The following CEP70 variants were observed in gnomAD, a reference collection of about 807,000 sequenced individuals.
The protein encoded by CEP70 is centrosomal protein of 70 kDa.
Under a neutral mutation model 90.9 loss-of-function variants are expected in CEP70, and 70 were observed. The ratio of observed to expected loss-of-function variants is 0.77; its 90% CI spans 0.64 to 0.94. CEP70 has a LOEUF of 0.94. Among genes scored for constraint, CEP70 ranks in the 40% least tolerant of loss-of-function variants. CEP70 has a pLI of 0.00. For synonymous variants in CEP70, 220 were observed against 228.3 expected (o/e 0.96, Z 0.33); for missense variants, 648 against 669.0 (o/e 0.97, Z 0.35).
At chr3:138,504,786 T>C (rs981686466) in intron 13 of CEP70, among the ~76,000 whole-genome samples, 2 of 152,204 alleles carry the variant, frequency 1.3e-5, no homozygotes, top group African/African-American at 4.8e-5. Flanking sequence ...GGCTGCTAGC[T>C]TACTATCTGT....
chr3:138,526,428 T>C (rs1218515451), intron 10 of CEP70, among the ~76,000 whole-genome samples: 1 of 152,220 alleles, frequency 6.6e-6, no homozygotes, highest in Non-Finnish European at 1.5e-5. Flanking sequence ...CCTAAAGTGC[T>C]GGGATTACAG....
intron 17 of CEP70, chr3:138,496,242 A>C: frequency 2.0e-6 from 2 of 985,396 alleles, no homozygotes; most frequent in Non-Finnish European, 2.4e-6. Flanking sequence ...AACTCTCTCC[A>C]TTGTGTAGCT....
intron 6 of CEP70, among the ~76,000 whole-genome samples, chr3:138,546,242 C>T (rs768716733): frequency 9.9e-5 from 15 of 152,042 alleles, no homozygotes; most frequent in Non-Finnish European, 1.8e-4. Flanking sequence ...AAAGAACCTA[C>T]GTTGAAATAC....
At chr3:138,557,673 G>C (rs2040115816) in intron 6 of CEP70, among the ~76,000 whole-genome samples, 1 of 152,162 alleles carries the variant, frequency 6.6e-6, no homozygotes, top group Non-Finnish European at 1.5e-5. Context: ...AGGGTGAAAA[G>C]GGAGTGAGGA....
In CEP70 at chr3:138,500,512, T is replaced by G. The variant is rs1340866110; in HGVS notation, c.1424A>C (p.Lys475Thr). The change falls in exon 15 of 18, where the codon AAG (lysine) becomes ACG (threonine). Residue 475 changes from lysine (K) to threonine (T), a missense_variant. By Grantham distance (78) the Lys-to-Thr change is moderately conservative. Transcript: ENST00000264982. The part of the protein sequence containing the change: ...TLQAIVSHFQ[K>T]LFDVPSLNGV... The stretch of plus-strand genomic sequence containing the variant: ...ATTTAAAGAAGGCACATCAAATAAC[T>G]TTTGGAAGTGAGAAACAATAGCTTG... 5 of 1,612,086 alleles carry G rather than the reference T, an allele frequency of 3.1e-6. No individual in the cohort carries two copies. The highest frequency in any genetic ancestry group is 1.7e-5 in the Admixed American group (1 of 59,620).
chr3:138,510,251 TAA>T (rs60383710), intron 11 of CEP70, among the ~76,000 whole-genome samples: 17 of 136,390 alleles, frequency 1.2e-4, no homozygotes, highest in Non-Finnish European at 7.9e-5. Context: ...CCCTGTCTAC[TAA>T]AAAAAAAAAA....
At chr3:138,499,781 T>A in intron 16 of CEP70, 2 of 129,960 alleles carry the variant, frequency 1.5e-5, no homozygotes, top group African/African-American at 1.4e-4. Context: ...TATCTCTCTC[T>A]CTACACACAC....
In CEP70 at chr3:138,500,484, T is replaced by C. The variant is rs1478461043; in HGVS notation, c.1452A>G (p.Gly484=). The C allele has an allele frequency of 6.2e-7, 1 of 1,611,766 alleles. No homozygotes were observed. The change falls in exon 15 of 18, where the codon GGA becomes GGG. Residue 484 remains glycine, a synonymous_variant. Coordinates refer to ENST00000264982, the MANE Select transcript of CEP70 (RefSeq NM_024491.4). Reference sequence around the variant, plus strand: ...AAACTTCATTCATTCGGGGATAGACTCCATTTAAAGAAGGCACATCAAATA... The same window carrying C: ...AAACTTCATTCATTCGGGGATAGACCCCATTTAAAGAAGGCACATCAAATA... ...QKLFDVPSLN[G]VYPRMNEVYT...
At position 138,500,569 on chromosome 3, in the gene CEP70, T is replaced by C; in HGVS notation, c.1369-2A>G. 6.3e-6 allele frequency: 10 copies of C among 1,575,138 alleles called. No individual in the cohort carries two copies. The highest frequency in any genetic ancestry group is 8.6e-6 in the Non-Finnish European group (10 of 1,169,420). ...TTGAAAGTGTGGCATATTGCTGTCC[T>C]GTCCAAAAAAGAGGTAAAAAAGAAA... On this transcript the variant is annotated splice_acceptor_variant, in intron 14 of 17. Coordinates refer to ENST00000264982, the MANE Select transcript of CEP70 (RefSeq NM_024491.4). LOFTEE classifies it high-confidence loss of function.
At chr3:138,507,941 G>C (rs1055472406) in intron 12 of CEP70, among the ~76,000 whole-genome samples, 2 of 152,118 alleles carry the variant, frequency 1.3e-5, no homozygotes, top group African/African-American at 4.8e-5. Context: ...TGAAAGTCCA[G>C]TTCAGTCACT....
chr3:138,537,867 C>T (rs1363703653), intron 6 of CEP70, among the ~76,000 whole-genome samples: 2 of 151,968 alleles, frequency 1.3e-5, no homozygotes, highest in African/African-American at 4.8e-5. Context: ...AACAGAAAAC[C>T]AAAAACCAAT....
rs751232055 is a variant in CEP70 at position 138,508,736 on chromosome 3, A to AT, written c.945-193dup. The stretch of plus-strand genomic sequence containing the variant: ...ATATGCATATATAGAGTTAAAAAAA[A>AT]TTTTTTTTTTTTTTTGAGACAGAAT... On this transcript the variant is annotated intron_variant, in intron 11 of 17. Transcript: ENST00000264982. Among the ~76,000 whole-genome samples, 822 of 144,278 alleles carry AT rather than the reference A, an allele frequency of 5.7e-3. 6 individuals are homozygous for AT. Among genetic ancestry groups the AT allele is most frequent in the African/African-American group, 0.011 (418 of 39,558 alleles). 94.7% of individuals were successfully genotyped at this position (144,278 alleles called of 152,430 possible).
chr3:138,541,794 G>A (rs185575741), intron 6 of CEP70, among the ~76,000 whole-genome samples: 17 of 152,324 alleles, frequency 1.1e-4, no homozygotes, highest in Non-Finnish European at 2.9e-5. Flanking sequence ...GGCAGAGGCA[G>A]GCAGATTGCT....
intron 11 of CEP70, among the ~76,000 whole-genome samples, chr3:138,509,096 C>G (rs2035277615): frequency 6.6e-6 from 1 of 152,082 alleles, no homozygotes; most frequent in Non-Finnish European, 1.5e-5. Context: ...CAATAAATCG[C>G]AAATTAGAAG....
chr3:138,529,515 A>G (rs1353378108), intron 8 of CEP70, 53 bp from the exon 9 acceptor site: 21 of 1,032,042 alleles, frequency 2.0e-5, no homozygotes, highest in Non-Finnish European at 2.8e-5. Flanking sequence ...TCAAAGAAAA[A>G]AACTAATTAA....
chr3:138,529,400 G>T lies in CEP70; in HGVS notation c.755C>A (p.Ser252Ter). ...EENDYRNLDA[S>*]PTYKGLLMSL... Reference sequence around the variant, plus strand: ...CATTAAAAGGCCTTTATAAGTTGGTGAGGCATCCAGATTTCTGTAGTCGTT... The same window carrying T: ...CATTAAAAGGCCTTTATAAGTTGGTTAGGCATCCAGATTTCTGTAGTCGTT... The change falls in exon 9 of 18, where the codon TCA (serine) becomes TAA (stop). Residue 252 changes from serine to a stop codon, truncating the protein, a stop_gained. Transcript: ENST00000264982. LOFTEE classifies it high-confidence loss of function. The T allele has an allele frequency of 1.2e-6, 2 of 1,610,678 alleles. No homozygotes were observed. Among genetic ancestry groups the T allele is most frequent in the Non-Finnish European group, 1.7e-6 (2 of 1,178,328 alleles).
At chr3:138,582,742 T>C (rs1188095861) in intron 2 of CEP70, among the ~76,000 whole-genome samples, 1 of 151,960 alleles carries the variant, frequency 6.6e-6, no homozygotes, top group Non-Finnish European at 1.5e-5. Context: ...CCAGCCTGGG[T>C]GACAGAACTA....
chr3:138,505,979 G>T (rs896519030), intron 12 of CEP70, among the ~76,000 whole-genome samples: 1 of 152,168 alleles, frequency 6.6e-6, no homozygotes, highest in African/African-American at 2.4e-5. Context: ...ATCCTATGCC[G>T]CAGTAAAGTT....
At chr3:138,513,635 T>C (rs754796090) in intron 11 of CEP70, among the ~76,000 whole-genome samples, 2 of 152,200 alleles carry the variant, frequency 1.3e-5, no homozygotes, top group Non-Finnish European at 2.9e-5. Context: ...GTTTATCCTA[T>C]AGCAGTAAGT....
Sources: allele counts gnomAD v4.1 joint callset (sites outside exome capture counted in the v4.1 genomes callset), GRCh38; gene constraint gnomAD v4.1.1; transcripts MANE v1.5; gene names NCBI Gene and HGNC (gene_info 2026-07-23, HGNC 2026-07-21).